KNOP1: variants seen among roughly 807,000 people sequenced by gnomAD.
KNOP1 encodes lysine rich nucleolar protein 1, also known as lysine-rich nucleolar protein 1.
KNOP1 carries 20 observed loss-of-function variants against 30.6 expected under a neutral mutation model. That is an observed-to-expected ratio of 0.65 (90% CI 0.46 to 0.95). The LOEUF is 0.95. Ranked by LOEUF, KNOP1 falls within the 40% of genes least tolerant of loss-of-function variation. The pLI is 0.00. For synonymous variants in KNOP1, 204 were observed against 210.0 expected (o/e 0.97, Z 0.25); for missense variants, 540 against 562.0 (o/e 0.96, Z 0.40).
intron 1 of KNOP1, 79 bp downstream of exon 1, chr16:19,718,079 A>T (rs1318186139): frequency 7.0e-7 from 1 of 1,425,346 alleles, no homozygotes; most frequent in Non-Finnish European, 9.1e-7. Context: ...GCATTTCCCC[A>T]TCTTCCCCGC....
Position 19,710,520 on chromosome 16 carries a change from T to C in KNOP1, c.1054A>G (p.Arg352Gly). 1 of 1,612,986 alleles carries C rather than the reference T, an allele frequency of 6.2e-7. No homozygotes were observed. Among genetic ancestry groups the C allele is most frequent in the East Asian group, 2.2e-5 (1 of 44,882 alleles). The change falls in exon 4 of 5, where the codon AGG becomes GGG. Residue 352 changes from arginine to glycine, a missense_variant. Arg to Gly is a moderately radical substitution (Grantham distance 125). Transcript: ENST00000219837. ...AGCCCCAAACTTACCGTCCACTTCC[T>C]GGTTTCAGAAGCTTCCGTTTTGCCT... ...ESGKTEASET[R>G]KWTGTQFGQW... is the part of the protein sequence containing the mutation.
intron 4 of KNOP1, 98 bp from the exon 5 acceptor site, chr16:19,707,319 T>C (rs1976434225): frequency 1.1e-6 from 1 of 914,012 alleles, no homozygotes; most frequent in African/African-American, 1.7e-5. Context: ...GCAGATTAGA[T>C]GGCTGCTGTG....
chr16:19,714,417 C>T lies in KNOP1; in HGVS notation c.619G>A (p.Glu207Lys). 1.2e-6 allele frequency: 2 copies of T among 1,613,754 alleles called. No homozygotes were observed. The highest frequency in any genetic ancestry group is 8.5e-7 in the Non-Finnish European group (1 of 1,179,952). The change falls in exon 2 of 5, where the codon GAA (glutamate) becomes AAA (lysine). Residue 207 changes from glutamate (E) to lysine (K), a missense_variant. Coordinates refer to ENST00000219837, the MANE Select transcript of KNOP1 (RefSeq NM_001012991.3). The part of the protein sequence containing the change: ...GQKRKRKSPR[E>K]HNGKVKKKKK... Reference sequence around the variant, plus strand: ...TTCTTCTTCACCTTCCCATTGTGTTCTCTGGGGCTCTTCCGCTTCCGTTTC... The same window carrying T: ...TTCTTCTTCACCTTCCCATTGTGTTTTCTGGGGCTCTTCCGCTTCCGTTTC...
Position 19,705,444 on chromosome 16 carries a change from C to T in KNOP1, c.*1466G>A, listed in dbSNP as rs1976317853. 2 of 358,222 alleles carry T rather than the reference C, an allele frequency of 5.6e-6. No homozygotes were observed. The highest frequency in any genetic ancestry group is 1.1e-5 in the Non-Finnish European group (2 of 181,148). The allele number at this position is 358,222 out of a possible 1,614,324, so 22.2% of individuals were successfully genotyped here. On this transcript the variant is annotated 3_prime_UTR_variant, in exon 5 of 5. Transcript: ENST00000219837. ...CCACTGGACCTGGAGCTCTTTGAGGCTTGCTGTAGAGTCCAGGCTTGGAAA... is the reference window on the plus strand; with the variant it reads ...CCACTGGACCTGGAGCTCTTTGAGGTTTGCTGTAGAGTCCAGGCTTGGAAA...
In KNOP1 at chr16:19,715,068, T is replaced by C. The variant is rs777681989; in HGVS notation, c.-2-31A>G. On this transcript the variant is annotated intron_variant, in intron 1 of 4. Transcript: ENST00000219837. ...AAAACAAATGGTACAAGTTATCCCA[T>C]ACCAAGCCATCCTGTGTTCAATTCT... 5 of 1,470,254 alleles carry C rather than the reference T, an allele frequency of 3.4e-6. No individual in the cohort carries two copies. The South Asian group carries it at 5.5e-5, about 16-fold the overall frequency. The allele number at this position is 1,470,254 out of a possible 1,614,324, so 91.1% of individuals were successfully genotyped here.
Position 19,705,699 on chromosome 16 carries a change from C to T in KNOP1, c.*1211G>A, listed in dbSNP as rs1386116298. On this transcript the variant is annotated 3_prime_UTR_variant, in exon 5 of 5. Transcript: ENST00000219837. The stretch of plus-strand genomic sequence containing the variant: ...TTGAGTCCAGGAGTTTGGGACTAGC[C>T]TGGACAATATAGTGAGACCCCATCT... 5.5e-6 allele frequency: 1 copy of T among 181,478 alleles called. No individual in the cohort carries two copies. The highest frequency in any genetic ancestry group is 2.4e-5 in the African/African-American group (1 of 42,156). The allele number at this position is 181,478 out of a possible 1,614,324, so 11.2% of individuals were successfully genotyped here. A position where few individuals can be genotyped will look rare whatever the true frequency, so the allele number is the denominator to read the frequency against.
At chr16:19,713,524 G>A (rs1976826505) in intron 2 of KNOP1, among the ~76,000 whole-genome samples, 1 of 152,188 alleles carries the variant, frequency 6.6e-6, no homozygotes, top group African/African-American at 2.4e-5. Context: ...CTGCTGGGAT[G>A]AAAGCCTAGA....
At position 19,711,337 on chromosome 16, in the gene KNOP1, C is replaced by T. The variant is rs372998928; in HGVS notation, c.987+35G>A. On this transcript the variant is annotated intron_variant, in intron 3 of 4. Coordinates refer to ENST00000219837, the MANE Select transcript of KNOP1 (RefSeq NM_001012991.3). ...GTGAGACTCCAAGGGTGGCAGGAGG[C>T]AGCGGGAGGGGCCTGAGGAGGGTCT... 1.3e-5 allele frequency: 21 copies of T among 1,607,150 alleles called. 1 individual carries two copies. In the African/African-American group the frequency reaches 2.7e-4, roughly 20 times the overall value.
At chr16:19,709,840 C>G (rs777330259) in intron 4 of KNOP1, among the ~76,000 whole-genome samples, 1 of 152,198 alleles carries the variant, frequency 6.6e-6, no homozygotes, top group Non-Finnish European at 1.5e-5. Flanking sequence ...ACTGCCACCT[C>G]AACTGATCTT....
In KNOP1 at chr16:19,714,302, T is replaced by C; in HGVS notation, c.734A>G (p.Lys245Arg). The C allele has an allele frequency of 6.2e-7, 1 of 1,614,178 alleles. No individual in the cohort carries two copies. Among genetic ancestry groups the C allele is most frequent in the Non-Finnish European group, 8.5e-7 (1 of 1,180,014 alleles). Residue 245 changes from lysine to arginine, a missense_variant, in exon 2 of 5, where the codon AAG becomes AGG. Coordinates refer to ENST00000219837, the MANE Select transcript of KNOP1 (RefSeq NM_001012991.3). ...MESSPRKGSKKKPVKVEAPEY... is the reference protein window; with the variant it reads ...MESSPRKGSKRKPVKVEAPEY... ...CGGAGCCTCAACTTTGACTGGCTTC[T>C]TTTTACTTCCTTTCCTAGGGCTGCT...
rs1343908079 is a variant in KNOP1 at position 19,703,568 on chromosome 16, T to TA, written c.*3341_*3342insT. 1 of 152,106 alleles carries TA rather than the reference T, an allele frequency of 6.6e-6. No individual in the cohort carries two copies. The highest frequency in any genetic ancestry group is 2.4e-5 in the African/African-American group (1 of 41,368). 9.4% of individuals were successfully genotyped at this position (152,106 alleles called of 1,614,324 possible). A position where few individuals can be genotyped will look rare whatever the true frequency, so the allele number is the denominator to read the frequency against. On this transcript the variant is annotated 3_prime_UTR_variant, in exon 5 of 5. Transcript: ENST00000219837. ...GGACTGTGTCTATTTGGCAAATTTT[T>TA]TTTTTTTTTTGGAATGGGGTCTTGC...
At chr16:19,713,653 A>G (rs1433268594) in intron 2 of KNOP1, among the ~76,000 whole-genome samples, 2 of 152,198 alleles carry the variant, frequency 1.3e-5, no homozygotes, top group East Asian at 3.9e-4. Context: ...ATCTCCGGCT[A>G]CCCAAATCTA....
chr16:19,709,788 C>T (rs1976613409), intron 4 of KNOP1, among the ~76,000 whole-genome samples: 1 of 152,216 alleles, frequency 6.6e-6, no homozygotes, highest in Admixed American at 6.5e-5. Context: ...TCTGTTGCAG[C>T]CCCTCTCCAG....
intron 4 of KNOP1, among the ~76,000 whole-genome samples, chr16:19,709,973 C>T (rs1476000330): frequency 1.3e-5 from 2 of 152,142 alleles, no homozygotes; most frequent in Non-Finnish European, 2.9e-5. Context: ...CAGCACAGAG[C>T]CCCCACTGAA....
rs1336299670 is a variant in KNOP1 at position 19,707,101 on chromosome 16, T to C, written c.1186A>G (p.Thr396Ala). The change falls in exon 5 of 5, where the codon ACG (threonine) becomes GCG (alanine). Residue 396 changes from threonine to alanine, a missense_variant. Coordinates refer to ENST00000219837, the MANE Select transcript of KNOP1 (RefSeq NM_001012991.3). ...AGGGCCATGTTGGGCCTTGCAATCG[T>C]GCTGGCGGGGCGGCTGAACGAAGGG... ...LSPSFSRPAS[T>A]IARPNMALGK... 1 of 1,614,048 alleles carries C rather than the reference T, an allele frequency of 6.2e-7. No homozygotes were observed. The highest frequency in any genetic ancestry group is 1.1e-5 in the South Asian group (1 of 91,086).
Position 19,714,515 on chromosome 16 carries a change from G to C in KNOP1, c.521C>G (p.Ala174Gly). The C allele has an allele frequency of 6.2e-7, 1 of 1,613,942 alleles. No individual in the cohort carries two copies. Among genetic ancestry groups the C allele is most frequent in the Non-Finnish European group, 8.5e-7 (1 of 1,179,980 alleles). Residue 174 changes from alanine (A) to glycine (G), a missense_variant, in exon 2 of 5, where the codon GCC becomes GGC. Ala to Gly is a moderately conservative substitution (Grantham distance 60). Transcript: ENST00000219837. ...GTCCCCAACATCCCTGGCCTCCCTG[G>C]CCTCACAGAACCAAGGGTCCTGGAC... ...FSVQDPWFCE[A>G]REARDVGDTC...
At chr16:19,707,411 T>C (rs947606132) in intron 4 of KNOP1, among the ~76,000 whole-genome samples, 190 bp from the exon 5 acceptor site, 48 of 152,078 alleles carry the variant, frequency 3.2e-4, no homozygotes, top group African/African-American at 1.0e-3. Context: ...ACTGTTGTTA[T>C]TCCCATTGCA....
chr16:19,702,831 A>AAAT lies in KNOP1; in HGVS notation c.*4076_*4078dup. ...CATGGTGAAACTCCATCTCTACTAA[A>AAAT]AATACAAAAAAAAATTAGCTGGGTG... On this transcript the variant is annotated 3_prime_UTR_variant, in exon 5 of 5. Coordinates refer to ENST00000219837, the MANE Select transcript of KNOP1 (RefSeq NM_001012991.3). 1 of 151,994 alleles carries AAAT rather than the reference A, an allele frequency of 6.6e-6. No individual in the cohort carries two copies. The highest frequency in any genetic ancestry group is 1.9e-4 in the East Asian group (1 of 5,192). The allele number at this position is 151,994 out of a possible 1,614,324, so 9.4% of individuals were successfully genotyped here.
intron 1 of KNOP1, chr16:19,717,871 G>T: frequency 9.5e-7 from 1 of 1,056,484 alleles, no homozygotes; most frequent in Non-Finnish European, 1.1e-6. Context: ...TCACCAGCAG[G>T]ACGCGCGGGA....
Sources: gnomAD v4.1 joint callset for allele counts (sites outside exome capture counted in the v4.1 genomes callset) on GRCh38, gnomAD v4.1.1 for gene constraint, MANE v1.5 for transcripts, NCBI Gene and HGNC (gene_info 2026-07-23, HGNC 2026-07-21) for gene names.